Variants in CDON observed in about 807,000 individuals in gnomAD.
CDON encodes cell adhesion molecule-related/down-regulated by oncogenes.
Under a neutral mutation model 120.9 loss-of-function variants are expected in CDON, and 73 were observed. The ratio of observed to expected loss-of-function variants is 0.60; its 90% CI spans 0.50 to 0.73. CDON has a LOEUF of 0.73. CDON is among the 30% of genes least tolerant of loss of function. CDON has a pLI of 0.00. For synonymous variants in CDON, 566 were observed against 573.5 expected, an observed-to-expected ratio of 0.99 and a Z score of 0.19; for missense variants, 1,470 against 1,587.3, an observed-to-expected ratio of 0.93 and a Z score of 1.26.
At chr11:126,028,723 T>TA (rs1947867876) in intron 1 of CDON, among the ~76,000 whole-genome samples, 1 of 151,034 alleles carries the variant, frequency 6.6e-6, no homozygotes, top group Non-Finnish European at 1.5e-5. Context: ...TTTATTTATT[T>TA]ATTTATTTAT....
At chr11:126,052,560 C>A (rs929540079) in intron 1 of CDON, among the ~76,000 whole-genome samples, 10 of 152,158 alleles carry the variant, frequency 6.6e-5, no homozygotes, top group African/African-American at 2.4e-4. Context: ...TGGTGGCTCA[C>A]GCCTGTAATC....
chr11:126,011,485 G>A (rs2134635357), intron 7 of CDON, among the ~76,000 whole-genome samples: 1 of 152,234 alleles, frequency 6.6e-6, no homozygotes, highest in South Asian at 2.1e-4. Context: ...GAGGACTAAT[G>A]AGGCTGAACA....
intron 1 of CDON, among the ~76,000 whole-genome samples, chr11:126,037,204 C>T (rs946113780): frequency 1.3e-5 from 2 of 151,832 alleles, no homozygotes; most frequent in African/African-American, 4.8e-5. Flanking sequence ...TGGGTTCAGG[C>T]GATCCTCCCA....
intron 9 of CDON, among the ~76,000 whole-genome samples, chr11:126,004,675 T>G (rs1643910433): frequency 6.6e-6 from 1 of 152,290 alleles, no homozygotes; most frequent in East Asian, 1.9e-4. Flanking sequence ...GCAAAACTTC[T>G]TTATCTAGAA....
chr11:126,037,205 G>C (rs773240976), intron 1 of CDON, among the ~76,000 whole-genome samples: 1 of 151,710 alleles, frequency 6.6e-6, no homozygotes, highest in African/African-American at 2.4e-5. Context: ...GGGTTCAGGC[G>C]ATCCTCCCAC....
intron 8 of CDON, among the ~76,000 whole-genome samples, chr11:126,008,638 T>C (rs547046013): frequency 1.3e-4 from 20 of 152,336 alleles, no homozygotes; most frequent in Non-Finnish European, 1.5e-4. Context: ...CTCTACACCC[T>C]GTATTCACAT....
At chr11:125,998,086 GGGTCT>G (rs1007576564) in intron 11 of CDON, among the ~76,000 whole-genome samples, 8 of 152,158 alleles carry the variant, frequency 5.3e-5, no homozygotes, top group African/African-American at 1.9e-4. Context: ...CAGGGAGCTA[GGGTCT>G]AGCAGTTTTC....
At chr11:125,989,103 A>C (rs1473435301) in intron 15 of CDON, among the ~76,000 whole-genome samples, 1 of 152,202 alleles carries the variant, frequency 6.6e-6, no homozygotes, top group Non-Finnish European at 1.5e-5. Flanking sequence ...GTCACACAGA[A>C]ACTAATGAAC....
intron 1 of CDON, among the ~76,000 whole-genome samples, chr11:126,031,820 A>T (rs903065185): frequency 5.3e-5 from 8 of 152,086 alleles, no homozygotes; most frequent in South Asian, 4.1e-4. Flanking sequence ...CCATTTCCTG[A>T]CTCTACACCA....
At chr11:126,030,556 G>T (rs987613087) in intron 1 of CDON, among the ~76,000 whole-genome samples, 13 of 152,128 alleles carry the variant, frequency 8.5e-5, no homozygotes, top group African/African-American at 2.7e-4. Context: ...TTTTTAAAAA[G>T]AATCTTATTC....
chr11:125,996,159 AAAACACACAC>A (rs2134533833), intron 12 of CDON, among the ~76,000 whole-genome samples: 1 of 93,796 alleles, frequency 1.1e-5, no homozygotes, highest in East Asian at 3.4e-4. Context: ...CAGTCACAGC[AAAACACACAC>A]ACACACACAC....
At chr11:125,996,911 C>G (rs945116183) in intron 12 of CDON, among the ~76,000 whole-genome samples, 3 of 151,976 alleles carry the variant, frequency 2.0e-5, no homozygotes, top group South Asian at 2.1e-4. Flanking sequence ...CTATGGCTCA[C>G]GCCTGTAATC....
intron 11 of CDON, among the ~76,000 whole-genome samples, chr11:125,999,709 C>T (rs1946887056): frequency 6.6e-6 from 1 of 151,988 alleles, no homozygotes; most frequent in Non-Finnish European, 1.5e-5. Flanking sequence ...CTTAATCTCT[C>T]ATACAGGTCC....
intron 8 of CDON, 73 bp from the exon 9 acceptor site, chr11:126,006,130 G>A: frequency 7.3e-7 from 1 of 1,374,934 alleles, no homozygotes; most frequent in Non-Finnish European, 1.0e-6. Context: ...TTTGTGACGT[G>A]ACTGCCCTCA....
At chr11:125,976,792 T>C (rs1946162185) in intron 18 of CDON, among the ~76,000 whole-genome samples, 2 of 152,214 alleles carry the variant, frequency 1.3e-5, no homozygotes, top group South Asian at 2.1e-4. Context: ...CGTCAGATTA[T>C]GTTGGGAGCA....
Position 125,959,349 on chromosome 11 carries a change from T to C in CDON, c.*1593A>G, listed in dbSNP as rs1945575777. On this transcript the variant is annotated 3_prime_UTR_variant, in exon 20 of 20. Transcript: ENST00000531738. ...TAGAAAGAGAATAATTTTCTGTTTC[T>C]TTCCCCAAAGGGATGCACAATGCAC... 1 of 152,216 alleles carries C rather than the reference T, an allele frequency of 6.6e-6. No homozygotes were observed. The highest frequency in any genetic ancestry group is 2.4e-5 in the African/African-American group (1 of 41,452). 9.4% of individuals were successfully genotyped at this position (152,216 alleles called of 1,614,324 possible).
At chr11:125,990,795 A>G (rs902947541) in intron 14 of CDON, among the ~76,000 whole-genome samples, 1 of 152,204 alleles carries the variant, frequency 6.6e-6, no homozygotes, top group Non-Finnish European at 1.5e-5. Context: ...TCAGGTCAAC[A>G]GTACAAAACC....
At chr11:126,001,090 C>T (rs1161076596) in intron 11 of CDON, among the ~76,000 whole-genome samples, 1 of 152,104 alleles carries the variant, frequency 6.6e-6, no homozygotes, top group Non-Finnish European at 1.5e-5. Context: ...ACAGGTACCA[C>T]TATACATTTT....
intron 12 of CDON, 37 bp downstream of exon 12, chr11:125,997,170 A>C: frequency 4.2e-6 from 6 of 1,412,130 alleles, no homozygotes; most frequent in Non-Finnish European, 5.0e-6. Context: ...TCTAAAGTTC[A>C]CATCGATGGT....
Sources: allele counts gnomAD v4.1 joint callset (sites outside exome capture counted in the v4.1 genomes callset), GRCh38; gene constraint gnomAD v4.1.1; transcripts MANE v1.5; gene names NCBI Gene and HGNC (gene_info 2026-07-23, HGNC 2026-07-21).